PTGS1: variants seen among roughly 807,000 people sequenced by gnomAD.
PTGS1 encodes the protein prostaglandin-endoperoxide synthase 1.
In PTGS1, 40 loss-of-function variants were observed where a neutral mutation model predicts 63.0. The observed-to-expected ratio is 0.63, with a 90% CI of 0.49 to 0.83. PTGS1 has a LOEUF of 0.83. PTGS1 is among the 40% of genes least tolerant of loss of function. The probability of loss-of-function intolerance (pLI) is 0.00; values close to 1 mark genes in which losing one functional copy is unlikely to be tolerated. For missense variants in PTGS1, 709 were observed against 786.5 expected (o/e 0.90, Z 1.18); for synonymous variants, 298 against 301.9 (o/e 0.99, Z 0.13).
Position 122,377,988 on chromosome 9 carries a change from G to A in PTGS1, c.184G>A (p.Gly62Ser), listed in dbSNP as rs754946174. The A allele has an allele frequency of 6.2e-7, 1 of 1,613,494 alleles. No individual in the cohort carries two copies. The highest frequency in any genetic ancestry group is 2.2e-5 in the East Asian group (1 of 44,880). Residue 62 changes from glycine (G) to serine (S), a missense_variant, in exon 3 of 11, where the codon GGC becomes AGC. By Grantham distance (56) the Gly-to-Ser change is moderately conservative. Transcript: ENST00000362012. ...CTACCAGTGTGACTGCACCCGCACG[G>A]GCTATTCCGGCCCCAACTGCACCAT... ...DRYQCDCTRT[G>S]YSGPNCTIPG...
chr9:122,380,697 A>G (rs1398491934), intron 5 of PTGS1, among the ~76,000 whole-genome samples: 1 of 152,200 alleles, frequency 6.6e-6, no homozygotes, highest in African/African-American at 2.4e-5. Context: ...AATGTTTACT[A>G]TCTGGCTTTT....
intron 9 of PTGS1, among the ~76,000 whole-genome samples, chr9:122,387,098 T>C (rs985660702): frequency 2.2e-4 from 33 of 151,870 alleles, no homozygotes; most frequent in African/African-American, 7.7e-4. Context: ...TTATAAACCA[T>C]AGTAGAAAAG....
At chr9:122,380,336 G>A (rs1302649447) in intron 5 of PTGS1, among the ~76,000 whole-genome samples, 4 of 152,002 alleles carry the variant, frequency 2.6e-5, no homozygotes, top group African/African-American at 9.7e-5. Flanking sequence ...GAAGTTGTGT[G>A]TGCCTGTAGT....
At chr9:122,379,919 G>A (rs1173713289) in intron 5 of PTGS1, among the ~76,000 whole-genome samples, 1 of 152,152 alleles carries the variant, frequency 6.6e-6, no homozygotes, top group African/African-American at 2.4e-5. Context: ...GTGAAGAGAT[G>A]CCTTTACCAG....
rs755806957 is a variant in PTGS1 at position 122,381,725 on chromosome 9, A to G, written c.740A>G (p.Lys247Arg). 6.2e-7 allele frequency: 1 copy of G among 1,613,652 alleles called. No individual in the cohort carries two copies. Among genetic ancestry groups the G allele is most frequent in the Admixed American group, 1.7e-5 (1 of 59,988 alleles). Reference sequence around the variant, plus strand: ...CGTCAGTATCAACTGCGGCTCTTTAAGGATGGGAAACTCAAGTACCAGGTA... The same window carrying G: ...CGTCAGTATCAACTGCGGCTCTTTAGGGATGGGAAACTCAAGTACCAGGTA... ...LERQYQLRLF[K>R]DGKLKYQVLD... Residue 247 changes from lysine (K) to arginine (R), a missense_variant, in exon 7 of 11, where the codon AAG becomes AGG. Physicochemically the swap from Lys to Arg is conservative, Grantham distance 26 (BLOSUM62 2). Transcript: ENST00000362012.
intron 7 of PTGS1, 44 bp from the exon 8 acceptor site, chr9:122,383,465 G>A (rs1185810425): frequency 6.4e-6 from 10 of 1,561,970 alleles, no homozygotes; most frequent in African/African-American, 4.0e-5. Context: ...GGGCAGCTGT[G>A]GGTGACCCCC....
chr9:122,377,164 C>T (rs757156704), intron 2 of PTGS1, among the ~76,000 whole-genome samples: 4 of 152,172 alleles, frequency 2.6e-5, no homozygotes, highest in Non-Finnish European at 5.9e-5. Flanking sequence ...CCTCCTCCTG[C>T]ACACCCACCC....
rs199663151 is a variant in PTGS1, at chr9:122,393,775, C to A, written c.*1231C>A. On this transcript the variant is annotated 3_prime_UTR_variant, in exon 11 of 11. Transcript: ENST00000362012. ...CACCTCACGCAGGCTGAGTCCAGAG[C>A]TTGTGCTCCTCTTGATTCCTGGTTT... is the stretch of plus-strand genomic sequence containing the variant. 2 of 152,238 alleles carry A rather than the reference C, an allele frequency of 1.3e-5. No individual in the cohort carries two copies. Among genetic ancestry groups the A allele is most frequent in the Non-Finnish European group, 2.9e-5 (2 of 68,046 alleles). 9.4% of individuals were successfully genotyped at this position (152,238 alleles called of 1,614,324 possible). A position where few individuals can be genotyped will look rare whatever the true frequency, so the allele number is the denominator to read the frequency against.
intron 10 of PTGS1, among the ~76,000 whole-genome samples, chr9:122,391,739 G>A (rs761934427): frequency 2.0e-5 from 3 of 152,076 alleles, no homozygotes; most frequent in Non-Finnish European, 4.4e-5. Flanking sequence ...AAGGAACACT[G>A]CCACTGAATT....
intron 2 of PTGS1, 126 bp downstream of exon 2, chr9:122,371,398 A>C (rs1317937631): frequency 1.0e-5 from 15 of 1,459,822 alleles, no homozygotes; most frequent in Non-Finnish European, 1.4e-5. Context: ...AGAAAGACTG[A>C]GGCTGAGTCT....
chr9:122,373,025 A>G (rs1836901093), intron 2 of PTGS1, among the ~76,000 whole-genome samples: 1 of 152,080 alleles, frequency 6.6e-6, no homozygotes, highest in African/African-American at 2.4e-5. Flanking sequence ...TGCGGAGCTC[A>G]GGGGAGGGAG....
At chr9:122,380,466 A>AAAT (rs1336777514) in intron 5 of PTGS1, among the ~76,000 whole-genome samples, 187 of 145,872 alleles carry the variant, frequency 1.3e-3, no homozygotes, top group African/African-American at 4.3e-3. Flanking sequence ...CCCTGTCTCA[A>AAAT]AAATAAATAA....
rs753499997 is a variant in PTGS1 at position 122,392,196 on chromosome 9, G to C, written c.1452G>C (p.Lys484Asn). 5 of 1,585,482 alleles carry C rather than the reference G, an allele frequency of 3.2e-6. No homozygotes were observed. Among genetic ancestry groups the C allele is most frequent in the Non-Finnish European group, 4.3e-6 (5 of 1,160,624 alleles). ...CCCCTTATCTCCTTGTAGGAGAGAA[G>C]GAGATGGCAGCAGAGTTGGAGGAAT... ...YTSFQELVGE[K>N]EMAAELEELY... Residue 484 changes from lysine (K) to asparagine (N), a missense_variant, in exon 11 of 11, where the codon AAG becomes AAC. Transcript: ENST00000362012.
At chr9:122,383,128 C>A (rs919488833) in intron 7 of PTGS1, among the ~76,000 whole-genome samples, 1 of 149,426 alleles carries the variant, frequency 6.7e-6, no homozygotes, top group Non-Finnish European at 1.5e-5. Context: ...CTGCCAAGAG[C>A]AGAGAGAGTA....
intron 7 of PTGS1, among the ~76,000 whole-genome samples, chr9:122,382,094 C>A (rs1237349799): frequency 1.3e-5 from 2 of 152,126 alleles, no homozygotes; most frequent in African/African-American, 4.8e-5. Context: ...AGTTAATGGG[C>A]CCTGCCCTCA....
In PTGS1 at chr9:122,375,948, C is replaced by T. The variant is rs10306136; in HGVS notation, c.95-1951C>T. Among the ~76,000 whole-genome samples, 1,281 of 152,182 alleles carry T rather than the reference C, an allele frequency of 8.4e-3. 21 individuals are homozygous for T. The highest frequency in any genetic ancestry group is 0.028 in the African/African-American group (1,173 of 41,504). On this transcript the variant is annotated intron_variant, in intron 2 of 10. Transcript: ENST00000362012. ...AACTAGACCGTGAGTCCTAGCGGAC[C>T]TTGTGTGCCAGGGTTGGGAGCTGGG...
At chr9:122,378,069 G>C in intron 3 of PTGS1, 54 bp downstream of exon 3, 2 of 1,513,490 alleles carry the variant, frequency 1.3e-6, no homozygotes, top group Non-Finnish European at 1.8e-6. Context: ...TCTGCTCCCC[G>C]GGCCCTTTCT....
Position 122,375,101 on chromosome 9 carries a change from C to T in PTGS1, c.95-2798C>T, listed in dbSNP as rs184845810. On this transcript the variant is annotated intron_variant, in intron 2 of 10. Coordinates refer to ENST00000362012, the MANE Select transcript of PTGS1 (RefSeq NM_000962.4). ...GTCTAGTGGCACCCAGTCTCCTCTC[C>T]GCCCACCCTGACACCTTGGGGCACC... Among the ~76,000 whole-genome samples, 226 of 152,304 alleles carry T rather than the reference C, an allele frequency of 1.5e-3. 3 individuals carry two copies. The highest frequency in any genetic ancestry group is 5.1e-3 in the African/African-American group (211 of 41,562).
Position 122,386,596 on chromosome 9 carries a change from A to G in PTGS1, c.1160A>G (p.His387Arg). The change falls in exon 9 of 11, where the codon CAC becomes CGC. Residue 387 changes from histidine to arginine, a missense_variant. Transcript: ENST00000362012. ...GAGTTCAACCATCTCTACCACTGGCACCCCCTCATGCCTGACTCCTTCAAG... is the reference window on the plus strand; with the variant it reads ...GAGTTCAACCATCTCTACCACTGGCGCCCCCTCATGCCTGACTCCTTCAAG... ...AMEFNHLYHW[H>R]PLMPDSFKVG... The G allele has an allele frequency of 1.2e-6, 2 of 1,614,118 alleles. No individual in the cohort carries two copies. The highest frequency in any genetic ancestry group is 1.7e-6 in the Non-Finnish European group (2 of 1,180,020).
Sources: gnomAD v4.1 joint callset for allele counts (sites outside exome capture counted in the v4.1 genomes callset) on GRCh38, gnomAD v4.1.1 for gene constraint, MANE v1.5 for transcripts, NCBI Gene and HGNC (gene_info 2026-07-23, HGNC 2026-07-21) for gene names.